GRAMD4: variants seen among roughly 807,000 people sequenced by gnomAD.
The protein encoded by GRAMD4 is GRAM domain-containing protein 4.
Under a neutral mutation model 83.9 loss-of-function variants are expected in GRAMD4, and 25 were observed. That is an observed-to-expected ratio of 0.30 (90% confidence interval 0.22 to 0.42). The LOEUF (loss-of-function observed/expected upper bound fraction) is 0.42. GRAMD4 is among the 10% of genes least tolerant of loss of function. The probability of loss-of-function intolerance (pLI) is 1.00; values close to 1 mark genes in which losing one functional copy is unlikely to be tolerated. For missense variants in GRAMD4, 593 were observed against 788.7 expected, an observed-to-expected ratio of 0.75 and a Z score of 2.97; for synonymous variants, 336 against 320.9, an observed-to-expected ratio of 1.05 and a Z score of -0.50.
chr22:46,623,217 T>C (rs2147148180), intron 1 of GRAMD4, among the ~76,000 whole-genome samples: 1 of 152,224 alleles, frequency 6.6e-6, no homozygotes, highest in East Asian at 1.9e-4. Context: ...CCCCCTGCCC[T>C]GCTGGTCTTG....
intron 1 of GRAMD4, among the ~76,000 whole-genome samples, chr22:46,592,346 G>A (rs557488448): frequency 3.9e-5 from 6 of 152,046 alleles, no homozygotes; most frequent in Admixed American, 6.5e-5. Context: ...GCAGGGGTGC[G>A]TGTCTGTGGT....
At chr22:46,602,198 C>T (rs911430624) in intron 1 of GRAMD4, among the ~76,000 whole-genome samples, 4 of 152,214 alleles carry the variant, frequency 2.6e-5, no homozygotes, top group East Asian at 1.9e-4. Context: ...CTTGCCCCAC[C>T]GCCATCGTGC....
intron 3 of GRAMD4, among the ~76,000 whole-genome samples, chr22:46,644,193 A>G (rs1305355726): frequency 3.3e-5 from 5 of 152,040 alleles, no homozygotes; most frequent in Admixed American, 2.0e-4. Context: ...CCCCTGTTCT[A>G]TGTTACACCT....
rs2082329840 is a variant in GRAMD4, at chr22:46,661,664, A to G, written c.466+222A>G. Among the ~76,000 whole-genome samples, 3 of 152,360 alleles carry G rather than the reference A, an allele frequency of 2.0e-5. 1 individual carries two copies. The highest frequency in any genetic ancestry group is 2.0e-4 in the Admixed American group (3 of 15,306). On this transcript the variant is annotated intron_variant, in intron 5 of 18. Coordinates refer to ENST00000406902, the MANE Select transcript of GRAMD4 (RefSeq NM_015124.5). ...CTCTGATGCGAAGTGGTGAGTCATC[A>G]TAGTCGTCATCACAAATTTCCAGTC...
intron 1 of GRAMD4, among the ~76,000 whole-genome samples, chr22:46,594,267 C>T (rs2081238675): frequency 6.6e-6 from 1 of 150,632 alleles, no homozygotes. Flanking sequence ...ACACTGTCAC[C>T]TGCTGTAGCT....
In GRAMD4 at chr22:46,661,397, G is replaced by A. The variant is rs2082324695; in HGVS notation, c.421G>A (p.Ala141Thr). The change falls in exon 5 of 19, where the codon GCT (alanine) becomes ACT (threonine). Residue 141 changes from alanine to threonine, a missense_variant. Coordinates refer to ENST00000406902, the MANE Select transcript of GRAMD4 (RefSeq NM_015124.5). ...CTTTTTAAGAACCGAGGAGCAGATG[G>A]CTCAGCAGCCCCCAAAAGGGCAGGC... ...VLKARTEEQM[A>T]QQPPKGQAQA... The A allele has an allele frequency of 6.2e-7, 1 of 1,612,358 alleles. No homozygotes were observed. The highest frequency in any genetic ancestry group is 1.7e-5 in the Admixed American group (1 of 59,996).
intron 3 of GRAMD4, among the ~76,000 whole-genome samples, chr22:46,643,236 CATCT>C (rs1235547500): frequency 4.8e-5 from 7 of 147,034 alleles, no homozygotes; most frequent in African/African-American, 7.8e-5. Context: ...TGGATCCATC[CATCT>C]ATCCATCCAT....
intron 13 of GRAMD4, chr22:46,671,073 G>A: frequency 4.3e-6 from 2 of 468,536 alleles, no homozygotes; most frequent in South Asian, 1.6e-5. Flanking sequence ...CCTCAGCTTA[G>A]AGGGGCAGAG....
intron 3 of GRAMD4, among the ~76,000 whole-genome samples, chr22:46,643,166 TCCA>T: frequency 6.6e-6 from 1 of 151,840 alleles, no homozygotes; most frequent in Non-Finnish European, 1.5e-5. Context: ...CATCCATCCA[TCCA>T]TCCATCCATC....
At chr22:46,674,142 G>A (rs560841707) in intron 15 of GRAMD4, among the ~76,000 whole-genome samples, 1 of 152,362 alleles carries the variant, frequency 6.6e-6, no homozygotes, top group African/African-American at 2.4e-5. Flanking sequence ...GTCTGCCCCT[G>A]GTTCCATCGT....
At chr22:46,629,292 A>AC (rs1259530936) in intron 2 of GRAMD4, among the ~76,000 whole-genome samples, 1 of 151,950 alleles carries the variant, frequency 6.6e-6, no homozygotes. Context: ...AGTCTCGTCC[A>AC]CCCCCAGGCC....
intron 5 of GRAMD4, among the ~76,000 whole-genome samples, chr22:46,661,962 T>C (rs2082334315): frequency 6.6e-6 from 1 of 152,230 alleles, no homozygotes; most frequent in South Asian, 2.1e-4. Flanking sequence ...CATAGTTCCC[T>C]GTACCTGGGG....
intron 1 of GRAMD4, among the ~76,000 whole-genome samples, chr22:46,589,924 A>G (rs1464154965): frequency 6.6e-6 from 1 of 150,846 alleles, no homozygotes; most frequent in Non-Finnish European, 1.5e-5. Flanking sequence ...CTTTCTCCCT[A>G]CCCCTTCAGC....
intron 5 of GRAMD4, among the ~76,000 whole-genome samples, chr22:46,662,508 G>C (rs1017741330): frequency 6.6e-6 from 1 of 152,246 alleles, no homozygotes; most frequent in African/African-American, 2.4e-5. Flanking sequence ...TCATCAGCAC[G>C]ACAACACCGT....
rs549241476 is a variant in GRAMD4 at position 46,597,481 on chromosome 22, A to G, written c.-50+20191A>G. 3.3e-5 allele frequency among the ~76,000 whole-genome samples: 5 copies of G among 151,928 alleles called. No homozygotes were observed. The South Asian group carries it at 6.3e-4, about 19-fold the overall frequency. The stretch of plus-strand genomic sequence containing the variant: ...TTTTCTGGCCTGGTTTCATTTATCT[A>G]TCTATCTATTTATTTATTTATTTTT... On this transcript the variant is annotated intron_variant, in intron 1 of 1. Coordinates refer to the GRAMD4 transcript ENST00000431155.
chr22:46,578,979 G>T (rs1219743592), intron 1 of GRAMD4, among the ~76,000 whole-genome samples: 4 of 152,242 alleles, frequency 2.6e-5, no homozygotes, highest in South Asian at 4.1e-4. Context: ...TGAGCCACCA[G>T]CCCTCTGCTC....
intron 1 of GRAMD4, among the ~76,000 whole-genome samples, chr22:46,584,230 G>A (rs1401558468): frequency 6.6e-6 from 1 of 152,144 alleles, no homozygotes; most frequent in Middle Eastern, 3.4e-3. Flanking sequence ...GGGAGCCCGG[G>A]TTCCTTTTGT....
chr22:46,662,439 C>T (rs1178013056), intron 5 of GRAMD4, among the ~76,000 whole-genome samples: 1 of 152,250 alleles, frequency 6.6e-6, no homozygotes, highest in East Asian at 1.9e-4. Context: ...GGGATTCTTC[C>T]GGTTTCCCGC....
intron 3 of GRAMD4, among the ~76,000 whole-genome samples, chr22:46,648,707 G>GATGGATGGATGGATGGATGGATGC (rs2082109631): frequency 6.7e-6 from 1 of 148,822 alleles, no homozygotes; most frequent in African/African-American, 2.5e-5. Context: ...TGCATGGATG[G>GATGGATGGATGGATGGATGGATGC]ATGGATGGAT....
Sources: allele counts gnomAD v4.1 joint callset (sites outside exome capture counted in the v4.1 genomes callset), GRCh38; gene constraint gnomAD v4.1.1; transcripts MANE v1.5; gene names NCBI Gene and HGNC (gene_info 2026-07-23, HGNC 2026-07-21).